The following ABHD3 variants were observed in gnomAD, a reference collection of about 807,000 sequenced individuals.
The protein encoded by ABHD3 is phospholipase ABHD3.
In ABHD3, 46 loss-of-function variants were observed where a neutral mutation model predicts 48.8. The observed-to-expected ratio is 0.94, with a 90% CI of 0.74 to 1.20. ABHD3 has a LOEUF of 1.20. Among genes scored for constraint, ABHD3 ranks in the 50% most tolerant of loss-of-function variants. ABHD3 has a pLI of 0.00. For missense variants in ABHD3, 490 were observed against 497.8 expected, an observed-to-expected ratio of 0.98 and a Z score of 0.15; for synonymous variants, 192 against 183.7, an observed-to-expected ratio of 1.04 and a Z score of -0.36.
In ABHD3 at chr18:21,693,053, C is replaced by T. The variant is rs137944426; in HGVS notation, c.510-9088G>A. 7.9e-4 allele frequency among the ~76,000 whole-genome samples: 120 copies of T among 152,280 alleles called. 3 individuals carry two copies. The highest frequency in any genetic ancestry group is 2.8e-3 in the African/African-American group (115 of 41,554). Reference sequence around the variant, plus strand: ...CTCTCTGTACTACCCTTTGGCTTGCCAGGCACACTGTTGTCTCTGGGCTCT... The same window carrying T: ...CTCTCTGTACTACCCTTTGGCTTGCTAGGCACACTGTTGTCTCTGGGCTCT... On this transcript the variant is annotated intron_variant, in intron 3 of 8. Coordinates refer to ENST00000289119, the MANE Select transcript of ABHD3 (RefSeq NM_138340.5).
intron 8 of ABHD3, among the ~76,000 whole-genome samples, chr18:21,653,843 CTT>C (rs759776288): frequency 8.7e-5 from 12 of 137,200 alleles, no homozygotes; most frequent in Admixed American, 1.5e-4. Context: ...CTGCAGTAAA[CTT>C]TTTTTTTTTT....
At chr18:21,693,071 T>C (rs901022019) in intron 3 of ABHD3, among the ~76,000 whole-genome samples, 2 of 152,214 alleles carry the variant, frequency 1.3e-5, no homozygotes, top group African/African-American at 4.8e-5. Flanking sequence ...CTGTTGTCTC[T>C]GGGCTCTCTT....
At chr18:21,664,986 C>T (rs1264090937) in intron 4 of ABHD3, among the ~76,000 whole-genome samples, 5 of 151,710 alleles carry the variant, frequency 3.3e-5, no homozygotes, top group Non-Finnish European at 4.4e-5. Context: ...GCTCTGTTGC[C>T]CAGGCTGGAG....
rs188908918 is a variant in ABHD3 at position 21,667,915 on chromosome 18, T to C, written c.556-3685A>G. On this transcript the variant is annotated intron_variant, in intron 4 of 8. Transcript: ENST00000289119. ...TAAAATCTAAATAGAAAATATCTTC[T>C]AGTGGCCAGGGGTGGTGGCTCACTC... 2.6e-4 allele frequency among the ~76,000 whole-genome samples: 40 copies of C among 152,096 alleles called. No homozygotes were observed. The East Asian group carries it at 7.4e-3, about 28-fold the overall frequency.
chr18:21,654,443 G>T (rs1229247845), intron 8 of ABHD3, among the ~76,000 whole-genome samples: 3 of 152,036 alleles, frequency 2.0e-5, no homozygotes, highest in Non-Finnish European at 4.4e-5. Flanking sequence ...AGAATAAACC[G>T]ATAGCCCTAA....
At chr18:21,703,211 T>TCCCCC (rs1345676171) in intron 2 of ABHD3, among the ~76,000 whole-genome samples, 1 of 102,358 alleles carries the variant, frequency 9.8e-6, no homozygotes, top group South Asian at 3.1e-4. Context: ...GGCATCCTTC[T>TCCCCC]CACCCCACCC....
At chr18:21,704,371 G>A in intron 1 of ABHD3, 133 bp downstream of exon 1, 2 of 995,640 alleles carry the variant, frequency 2.0e-6, no homozygotes, top group Non-Finnish European at 2.6e-6. Context: ...GCGCGCTGGG[G>A]GCTGCCGCTC....
chr18:21,704,325 G>A (rs1285605439), intron 1 of ABHD3, among the ~76,000 whole-genome samples, 179 bp downstream of exon 1: 4 of 152,098 alleles, frequency 2.6e-5, no homozygotes, highest in Non-Finnish European at 5.9e-5. Flanking sequence ...ACCCCCAGGG[G>A]GCGGGCGAAC....
chr18:21,667,370 G>T (rs2039658912), intron 4 of ABHD3, among the ~76,000 whole-genome samples: 1 of 148,018 alleles, frequency 6.8e-6, no homozygotes, highest in African/African-American at 2.5e-5. Context: ...TCAGCCTCCC[G>T]AGTAGCTGAG....
In ABHD3 at chr18:21,651,601, T is replaced by A. The variant is rs369471700; in HGVS notation, c.1220A>T (p.Glu407Val). 57 of 1,614,026 alleles carry A rather than the reference T, an allele frequency of 3.5e-5. No individual in the cohort carries two copies. The highest frequency in any genetic ancestry group is 4.3e-5 in the Non-Finnish European group (51 of 1,180,018). ...FVQAMVEHGH[E>V]LS ...CCAAAGAACTACATGTTAAGAGAGT[T>A]CATGTCCATGCTCAACCATGGCTTG... The change falls in exon 9 of 9, where the codon GAA becomes GTA. Residue 407 changes from glutamate to valine, a missense_variant. Coordinates refer to ENST00000289119, the MANE Select transcript of ABHD3 (RefSeq NM_138340.5).
intron 4 of ABHD3, among the ~76,000 whole-genome samples, chr18:21,674,127 A>AC (rs1371205333): frequency 6.6e-6 from 1 of 152,152 alleles, no homozygotes; most frequent in Non-Finnish European, 1.5e-5. Context: ...GTACTCCCAA[A>AC]CATCTCATAC....
chr18:21,701,238 A>G (rs1036937625), intron 3 of ABHD3: 2 of 150,782 alleles, frequency 1.3e-5, no homozygotes, highest in Admixed American at 6.6e-5. Context: ...TTTTTGCCCA[A>G]GGTGTCACTC....
chr18:21,698,942 T>C (rs2146337441), intron 3 of ABHD3, among the ~76,000 whole-genome samples: 1 of 151,788 alleles, frequency 6.6e-6, no homozygotes, highest in Middle Eastern at 3.4e-3. Flanking sequence ...CTTTACACTT[T>C]TTTTTTTTTG....
At chr18:21,682,584 A>G (rs772010378) in intron 4 of ABHD3, 7 of 152,228 alleles carry the variant, frequency 4.6e-5, no homozygotes, top group African/African-American at 1.4e-4. Context: ...ATTAATATGT[A>G]TATCTTCACC....
intron 3 of ABHD3, among the ~76,000 whole-genome samples, chr18:21,697,923 C>T (rs567630868): frequency 1.1e-4 from 17 of 152,170 alleles, no homozygotes; most frequent in African/African-American, 3.6e-4. Context: ...AATCATATCT[C>T]GTATCTCACC....
intron 3 of ABHD3, among the ~76,000 whole-genome samples, chr18:21,688,141 C>T (rs546831058): frequency 2.0e-5 from 3 of 152,228 alleles, no homozygotes; most frequent in African/African-American, 7.2e-5. Flanking sequence ...TCTCAAAAAA[C>T]AAAAACAACA....
Position 21,656,895 on chromosome 18 carries a change from T to G in ABHD3, c.1023A>C (p.Leu341=), listed in dbSNP as rs1346235408. 3 of 1,610,218 alleles carry G rather than the reference T, an allele frequency of 1.9e-6. No homozygotes were observed. The South Asian group carries it at 3.3e-5, about 18-fold the overall frequency. ...LKSVGIPVLC[L]NSVDDVFSPS... ...GTGAGAAAACATCATCCACAGAATTTAGACACAATACTGGAATTCCTACTG... is the reference window on the plus strand; with the variant it reads ...GTGAGAAAACATCATCCACAGAATTGAGACACAATACTGGAATTCCTACTG... Residue 341 remains leucine, a synonymous_variant, in exon 8 of 9, where the codon CTA becomes CTC. Transcript: ENST00000289119.
At chr18:21,652,686 A>C (rs1275288333) in intron 8 of ABHD3, among the ~76,000 whole-genome samples, 3 of 142,410 alleles carry the variant, frequency 2.1e-5, no homozygotes, top group Admixed American at 7.0e-5. Context: ...GAGGCAGGAG[A>C]ATCGCTTGAA....
chr18:21,679,500 G>A (rs2039959683), intron 4 of ABHD3, among the ~76,000 whole-genome samples: 1 of 152,118 alleles, frequency 6.6e-6, no homozygotes, highest in South Asian at 2.1e-4. Flanking sequence ...GTTATGCCTT[G>A]GGTTATAAAA....
Sources: gnomAD v4.1 joint callset for allele counts (sites outside exome capture counted in the v4.1 genomes callset) on GRCh38, gnomAD v4.1.1 for gene constraint, MANE v1.5 for transcripts, NCBI Gene and HGNC (gene_info 2026-07-23, HGNC 2026-07-21) for gene names.